Variants in ADAM19 observed in about 807,000 individuals in gnomAD.
ADAM19 encodes the protein ADAM metallopeptidase domain 19.
Under a neutral mutation model 114.7 loss-of-function variants are expected in ADAM19, and 65 were observed. The observed-to-expected ratio is 0.57, with a 90% CI of 0.46 to 0.70. The LOEUF is 0.70. Among genes scored for constraint, ADAM19 ranks in the 30% least tolerant of loss-of-function variants. The pLI, the probability that ADAM19 is intolerant of heterozygous loss-of-function variation, is 0.00. For synonymous variants in ADAM19, 466 were observed against 460.5 expected, an observed-to-expected ratio of 1.01 and a Z score of -0.15; for missense variants, 1,063 against 1,204.7, an observed-to-expected ratio of 0.88 and a Z score of 1.74.
Position 157,513,500 on chromosome 5 carries a change from C to T in ADAM19, c.672G>A (p.Gln224=), listed in dbSNP as rs2113732143. The T allele has an allele frequency of 1.2e-6, 2 of 1,614,002 alleles. No homozygotes were observed. Among genetic ancestry groups the T allele is most frequent in the Non-Finnish European group, 1.7e-6 (2 of 1,179,894 alleles). Residue 224 remains glutamine, a synonymous_variant, in exon 8 of 23, where the codon CAG becomes CAA. Transcript: ENST00000257527. ...LYLVADYLEF[Q]KNRRDQDATK... ...TGGCGTCCTGGTCTCGTCGATTCTT[C>T]TGAAACTAAATGGGACAAGCAGAAC...
intron 4 of ADAM19, among the ~76,000 whole-genome samples, chr5:157,536,816 A>AG (rs2113762486): frequency 6.6e-6 from 1 of 152,330 alleles, no homozygotes; most frequent in African/African-American, 2.4e-5. Flanking sequence ...AAGCTGCTGA[A>AG]GGAGTCCTGA....
intron 8 of ADAM19, among the ~76,000 whole-genome samples, chr5:157,510,870 C>T (rs1755899233): frequency 6.6e-6 from 1 of 152,108 alleles, no homozygotes; most frequent in Non-Finnish European, 1.5e-5. Context: ...CACAGATATG[C>T]TTACTCTTCA....
intron 3 of ADAM19, 22 bp downstream of exon 3, chr5:157,564,351 G>A (rs1757594213): frequency 2.5e-6 from 4 of 1,610,678 alleles, no homozygotes; most frequent in Non-Finnish European, 2.5e-6. Context: ...TTTCATTTTA[G>A]ACAAAGGAGG....
intron 8 of ADAM19, among the ~76,000 whole-genome samples, 189 bp from the exon 9 acceptor site, chr5:157,509,656 C>T (rs1755854113): frequency 6.6e-6 from 1 of 152,174 alleles, no homozygotes; most frequent in Admixed American, 6.5e-5. Context: ...TTCTCTTCTG[C>T]CCATGGCTCC....
rs777072888 is a variant in ADAM19, at chr5:157,530,795, A to G, written c.407+12T>C. 2.6e-5 allele frequency: 42 copies of G among 1,612,564 alleles called. No homozygotes were observed. The highest frequency in any genetic ancestry group is 3.5e-5 in the Non-Finnish European group (41 of 1,178,758). On this transcript the variant is annotated intron_variant, in intron 5 of 22. Coordinates refer to ENST00000257527, the MANE Select transcript of ADAM19 (RefSeq NM_033274.5). Reference sequence around the variant, plus strand: ...AGTGCCCGGTGCCACCTGCAGCCTCAGGGTCTCTTACCTAATTCCTCGGCA... The same window carrying G: ...AGTGCCCGGTGCCACCTGCAGCCTCGGGGTCTCTTACCTAATTCCTCGGCA...
chr5:157,545,919 C>T (rs1757035875), intron 3 of ADAM19, among the ~76,000 whole-genome samples: 1 of 152,242 alleles, frequency 6.6e-6, no homozygotes, highest in Non-Finnish European at 1.5e-5. Context: ...TTGATTTCGT[C>T]ACTATTTGCT....
rs1327017962 is a variant in ADAM19 at position 157,570,965 on chromosome 5, C to T, written c.110G>A (p.Gly37Asp). 1.2e-6 allele frequency: 2 copies of T among 1,614,086 alleles called. No individual in the cohort carries two copies. Among genetic ancestry groups the T allele is most frequent in the East Asian group, 2.2e-5 (1 of 44,890 alleles). Reference sequence around the variant, plus strand: ...AAGTTCATGCTGCAGCTTGGGGCTGCCTTCCTCACTTCCTCCTGCCAATAC... The same window carrying T: ...AAGTTCATGCTGCAGCTTGGGGCTGTCTTCCTCACTTCCTCCTGCCAATAC... Reference protein sequence around the residue: ...EPGWTRGSEEGSPKLQHELII... With the variant: ...EPGWTRGSEEDSPKLQHELII... The change falls in exon 2 of 23, where the codon GGC becomes GAC. Residue 37 changes from glycine to aspartate, a missense_variant. By Grantham distance (94) the Gly-to-Asp change is moderately conservative. Around this residue, in one of 3 missense-constraint regions of ADAM19, gnomAD observed 615 missense variants for 706.3 expected, o/e 0.87. Transcript: ENST00000257527.
intron 7 of ADAM19, 51 bp from the exon 8 acceptor site, chr5:157,513,556 G>T: frequency 1.3e-6 from 2 of 1,504,430 alleles, no homozygotes; most frequent in Non-Finnish European, 1.9e-6. Context: ...CTCACAGGAT[G>T]CTTCCTGCGC....
chr5:157,536,163 C>A (rs1417263494), intron 4 of ADAM19, among the ~76,000 whole-genome samples: 1 of 152,298 alleles, frequency 6.6e-6, no homozygotes, highest in East Asian at 1.9e-4. Context: ...CAAAACACAG[C>A]CCCTGAGCTA....
intron 4 of ADAM19, among the ~76,000 whole-genome samples, chr5:157,532,160 T>C (rs1756642626): frequency 6.6e-6 from 1 of 152,282 alleles, no homozygotes; most frequent in Admixed American, 6.5e-5. Context: ...CTGTGTCTCA[T>C]GGCTGTCAGA....
chr5:157,491,390 C>A (rs1310552676), intron 18 of ADAM19, among the ~76,000 whole-genome samples: 1 of 152,230 alleles, frequency 6.6e-6, no homozygotes, highest in Non-Finnish European at 1.5e-5. Flanking sequence ...AAGCGGGCTC[C>A]CCCTCCTCAG....
chr5:157,533,042 G>T (rs545025374), intron 4 of ADAM19, among the ~76,000 whole-genome samples: 2 of 151,990 alleles, frequency 1.3e-5, no homozygotes, highest in Admixed American at 1.3e-4. Flanking sequence ...GCCTCAAGGC[G>T]CCTGGAAGCC....
intron 7 of ADAM19, among the ~76,000 whole-genome samples, chr5:157,516,724 G>A (rs925976603): frequency 2.0e-5 from 3 of 152,174 alleles, no homozygotes; most frequent in Non-Finnish European, 1.5e-5. Context: ...CAGAACTTAA[G>A]TGGAAAAATG....
chr5:157,527,296 C>A (rs760247470), intron 5 of ADAM19, among the ~76,000 whole-genome samples: 1 of 151,906 alleles, frequency 6.6e-6, no homozygotes, highest in African/African-American at 2.4e-5. Context: ...CTGCAAGCTC[C>A]GCCTCCCGGG....
chr5:157,561,254 G>A (rs1222194585), intron 3 of ADAM19, among the ~76,000 whole-genome samples: 1 of 152,244 alleles, frequency 6.6e-6, no homozygotes, highest in Non-Finnish European at 1.5e-5. Flanking sequence ...TGCCTGAGCT[G>A]AAGCTCACTT....
At position 157,479,798 on chromosome 5, in the gene ADAM19, C is replaced by G; in HGVS notation, c.*1151G>C. 2 of 985,600 alleles carry G rather than the reference C, an allele frequency of 2.0e-6. No individual in the cohort carries two copies. Among genetic ancestry groups the G allele is most frequent in the Non-Finnish European group, 2.4e-6 (2 of 830,034 alleles). 61.1% of individuals were successfully genotyped at this position (985,600 alleles called of 1,614,324 possible). A position where few individuals can be genotyped will look rare whatever the true frequency, so the allele number is the denominator to read the frequency against. ...ATGGGTCTGTTCTCTGCTCAGAGGG[C>G]AACGGTCCAGCCCGAAGTCAATGAC... is the stretch of plus-strand genomic sequence containing the variant. On this transcript the variant is annotated 3_prime_UTR_variant, in exon 23 of 23. Coordinates refer to ENST00000257527, the MANE Select transcript of ADAM19 (RefSeq NM_033274.5).
Position 157,538,055 on chromosome 5 carries a change from C to T in ADAM19, c.252-64G>A, listed in dbSNP as rs184153704. On this transcript the variant is annotated intron_variant, in intron 3 of 22. Transcript: ENST00000257527. ...ATGAACTCCACCCTCCTAGCAACAA[C>T]GAGTGATTTTAACTGAACCAGGCAG... 1.3e-4 allele frequency: 174 copies of T among 1,372,580 alleles called. 2 individuals are homozygous for T. In the African/African-American group the frequency reaches 1.7e-3, roughly 13 times the overall value. 85.0% of individuals were successfully genotyped at this position (1,372,580 alleles called of 1,614,324 possible). A position where few individuals can be genotyped will look rare whatever the true frequency, so the allele number is the denominator to read the frequency against.
chr5:157,508,929 G>A (rs1315260309), intron 9 of ADAM19, among the ~76,000 whole-genome samples: 3 of 152,242 alleles, frequency 2.0e-5, no homozygotes, highest in Non-Finnish European at 4.4e-5. Context: ...TGGGAGATCA[G>A]CTCATGTATT....
chr5:157,519,581 A>C (rs1229068138), intron 6 of ADAM19, among the ~76,000 whole-genome samples: 1 of 152,194 alleles, frequency 6.6e-6, no homozygotes, highest in Non-Finnish European at 1.5e-5. Context: ...CATGGCGCCC[A>C]GCCTTCTTTT....
Sources: allele counts gnomAD v4.1 joint callset (sites outside exome capture counted in the v4.1 genomes callset), GRCh38; gene constraint gnomAD v4.1.1; regional missense constraint gnomAD v4.1.1; transcripts MANE v1.5; gene names NCBI Gene and HGNC (gene_info 2026-07-23, HGNC 2026-07-21).